The following TENM4 variants were observed in gnomAD, a reference collection of about 807,000 sequenced individuals.
TENM4 encodes teneurin-4.
A neutral mutation model predicts 243.3 loss-of-function variants in TENM4; 82 were observed. The observed-to-expected ratio is 0.34, with a 90% confidence interval of 0.28 to 0.40. The LOEUF (loss-of-function observed/expected upper bound fraction) is 0.40. Ranked by LOEUF, TENM4 falls within the 10% of genes least tolerant of loss-of-function variation. The pLI is 1.00. For missense variants in TENM4, 3,138 were observed against 3,673.3 expected (o/e 0.85, Z 3.77); for synonymous variants, 1,412 against 1,456.3 (o/e 0.97, Z 0.69).
At chr11:79,009,322 CA>C (rs1308560868) in intron 6 of TENM4, among the ~76,000 whole-genome samples, 1 of 152,092 alleles carries the variant, frequency 6.6e-6, no homozygotes, top group Non-Finnish European at 1.5e-5. Context: ...ATGTGGGGTA[CA>C]CAGACTGGGC....
chr11:78,854,958 T>G (rs1858642390), intron 11 of TENM4, among the ~76,000 whole-genome samples: 1 of 152,194 alleles, frequency 6.6e-6, no homozygotes, highest in South Asian at 2.1e-4. Flanking sequence ...GGAGACTGCT[T>G]GTGTGAGACT....
chr11:78,993,982 A>G (rs923966778), intron 6 of TENM4, among the ~76,000 whole-genome samples: 1 of 152,222 alleles, frequency 6.6e-6, no homozygotes, highest in Non-Finnish European at 1.5e-5. Context: ...CCCTAAAAAA[A>G]TGTTGAGTTT....
In TENM4 at chr11:79,106,238, A is replaced by C. The variant is rs533864576; in HGVS notation, c.-65-36229T>G. On this transcript the variant is annotated intron_variant, in intron 4 of 33. Transcript: ENST00000278550. ...GTCTAGCGCCAGAGCATAGCTACCT[A>C]GATGAGGGAAGGAGGGCAGGAATCT... 3.3e-5 allele frequency among the ~76,000 whole-genome samples: 5 copies of C among 152,362 alleles called. No homozygotes were observed. In the South Asian group the frequency reaches 1.0e-3, roughly 32 times the overall value.
intron 6 of TENM4, among the ~76,000 whole-genome samples, chr11:78,921,603 G>A (rs570042371): frequency 6.6e-6 from 1 of 152,314 alleles, no homozygotes; most frequent in African/African-American, 2.4e-5. Context: ...GCTCCCTGGG[G>A]AATCCTGCTT....
At chr11:79,128,560 C>T (rs959581681) in intron 4 of TENM4, among the ~76,000 whole-genome samples, 9 of 152,148 alleles carry the variant, frequency 5.9e-5, no homozygotes, top group Non-Finnish European at 1.3e-4. Context: ...GAGTTAGTTC[C>T]CTATGATCAG....
At chr11:78,778,163 G>A (rs1591016521) in intron 17 of TENM4, among the ~76,000 whole-genome samples, 1 of 152,158 alleles carries the variant, frequency 6.6e-6, no homozygotes, top group African/African-American at 2.4e-5. Context: ...AGTAGTACTA[G>A]AAAGTAGTCC....
At chr11:78,807,070 T>C (rs1857405286) in intron 14 of TENM4, among the ~76,000 whole-genome samples, 1 of 152,244 alleles carries the variant, frequency 6.6e-6, no homozygotes, top group South Asian at 2.1e-4. Flanking sequence ...TATATGTTCA[T>C]ACCTCATTTT....
chr11:79,111,406 A>G (rs1017885871), intron 4 of TENM4, among the ~76,000 whole-genome samples: 1 of 152,124 alleles, frequency 6.6e-6, no homozygotes, highest in Admixed American at 6.5e-5. Flanking sequence ...TGAGCTGGGC[A>G]TGATGGCGGG....
intron 2 of TENM4, among the ~76,000 whole-genome samples, chr11:79,269,987 C>A (rs1855941805): frequency 6.6e-6 from 1 of 152,192 alleles, no homozygotes. Context: ...CCTCCCTCCA[C>A]TCCCAGCAGG....
At chr11:79,348,025 C>T (rs1465411180) in intron 1 of TENM4, among the ~76,000 whole-genome samples, 4 of 151,680 alleles carry the variant, frequency 2.6e-5, no homozygotes, top group African/African-American at 4.8e-5. Flanking sequence ...ATGATCCACC[C>T]GCCTCGGCCT....
At position 78,670,038 on chromosome 11, in the gene TENM4, G is replaced by A; in HGVS notation, c.6307C>T (p.Leu2103=). 2 of 1,614,012 alleles carry A rather than the reference G, an allele frequency of 1.2e-6. No homozygotes were observed. The highest frequency in any genetic ancestry group is 1.7e-6 in the Non-Finnish European group (2 of 1,179,898). ...SMQAVINETP[L]PIDLYRYDDV... ...TCATAGCGATAGAGATCAATGGGCAGTGGGGTCTCGTTGATCACAGCCTGC... is the reference window on the plus strand; with the variant it reads ...TCATAGCGATAGAGATCAATGGGCAATGGGGTCTCGTTGATCACAGCCTGC... Residue 2103 remains leucine (L), a synonymous_variant, in exon 32 of 34, where the codon CTG becomes TTG. Transcript: ENST00000278550.
Position 79,440,284 on chromosome 11 carries a change from C to T in TENM4, c.-321+225G>A, listed in dbSNP as rs1859376463. On this transcript the variant is annotated intron_variant, in intron 1 of 33. Transcript: ENST00000278550. The surrounding 1 kb of genome is among the most constrained non-coding windows in gnomAD (Gnocchi z 4.7). ...TCCAGTCCGCGGCGGGCTCCGGGGG[C>T]TGCGGCGGCTCCAGGCTCCAGAACA... 6.6e-6 allele frequency among the ~76,000 whole-genome samples: 1 copy of T among 150,626 alleles called. No individual in the cohort carries two copies. Among genetic ancestry groups the T allele is most frequent in the South Asian group, 2.1e-4 (1 of 4,714 alleles).
At chr11:79,351,618 A>G (rs1857416569) in intron 1 of TENM4, among the ~76,000 whole-genome samples, 1 of 152,144 alleles carries the variant, frequency 6.6e-6, no homozygotes, top group South Asian at 2.1e-4. Context: ...GAGGCACAAG[A>G]TTGCTTGAAC....
chr11:78,940,707 C>T (rs1856872935), intron 6 of TENM4, among the ~76,000 whole-genome samples: 1 of 152,182 alleles, frequency 6.6e-6, no homozygotes, highest in South Asian at 2.1e-4. Flanking sequence ...GGCCCTGTAA[C>T]CTGAGCCCCA....
At chr11:79,084,866 A>G (rs1016123369) in intron 4 of TENM4, among the ~76,000 whole-genome samples, 12 of 152,226 alleles carry the variant, frequency 7.9e-5, no homozygotes, top group South Asian at 6.2e-4. Context: ...ACACACACTC[A>G]TTCAGATAAA....
rs1371807331 is a variant in TENM4, at chr11:78,903,541, C to T, written c.494-18G>A. The T allele has an allele frequency of 1.3e-6, 2 of 1,542,994 alleles. No individual in the cohort carries two copies. Among genetic ancestry groups the T allele is most frequent in the African/African-American group, 1.4e-5 (1 of 73,078 alleles). ...CGGATGATCTAGGGCACAAACATGG[C>T]GGTCAGCGGCGGTGAGCTTGGTGCT... On this transcript the variant is annotated intron_variant, in intron 6 of 33. Transcript: ENST00000278550.
intron 12 of TENM4, 71 bp from the exon 13 acceptor site, chr11:78,814,466 C>T (rs1857563680): frequency 7.3e-7 from 1 of 1,371,716 alleles, no homozygotes; most frequent in African/African-American, 1.5e-5. Context: ...AGGAATCAAG[C>T]TTTAGGTTAG....
intron 9 of TENM4, among the ~76,000 whole-genome samples, chr11:78,870,413 A>G (rs1169738107): frequency 6.6e-6 from 1 of 152,148 alleles, no homozygotes; most frequent in East Asian, 1.9e-4. Flanking sequence ...GACTTTGGTA[A>G]TGGGAACTAG....
intron 6 of TENM4, among the ~76,000 whole-genome samples, chr11:79,011,108 T>C (rs1858630140): frequency 6.6e-6 from 1 of 152,260 alleles, no homozygotes. Flanking sequence ...TATTTTCTTT[T>C]TGAAACCTAC....
Sources: allele counts gnomAD v4.1 joint callset (sites outside exome capture counted in the v4.1 genomes callset), GRCh38; gene constraint gnomAD v4.1.1; non-coding constraint Gnocchi (gnomAD v3.1); transcripts MANE v1.5; gene names NCBI Gene and HGNC (gene_info 2026-07-23, HGNC 2026-07-21).